The following CACNB2 variants were observed in gnomAD, a reference collection of about 807,000 sequenced individuals.
CACNB2 encodes the protein calcium voltage-gated channel auxiliary subunit beta 2, also known as voltage-dependent L-type calcium channel subunit beta-2.
Under a neutral mutation model 73.3 loss-of-function variants are expected in CACNB2, and 42 were observed. That is an observed-to-expected ratio of 0.57 (90% CI 0.45 to 0.74). CACNB2 has a LOEUF of 0.74. CACNB2 is among the 30% of genes least tolerant of loss of function. CACNB2 has a pLI of 0.00. For missense variants in CACNB2, 940 were observed against 853.0 expected (o/e 1.10, Z -1.27); for synonymous variants, 348 against 310.3 (o/e 1.12, Z -1.28).
intron 3 of CACNB2, among the ~76,000 whole-genome samples, chr10:18,454,854 CAT>C (rs2047196294): frequency 1.3e-5 from 2 of 152,036 alleles, no homozygotes; most frequent in African/African-American, 4.8e-5. Context: ...GCCTGGGCAA[CAT>C]AGAAAGACTG....
In CACNB2 at chr10:18,167,736, G is replaced by A. The variant is rs1039372109; in HGVS notation, c.213+16761G>A. Among the ~76,000 whole-genome samples the A allele has an allele frequency of 5.3e-5, 8 of 152,210 alleles. No individual in the cohort carries two copies. In the East Asian group the frequency reaches 1.5e-3, roughly 29 times the overall value. ...TGGCGCAGGGGGTAGCCGTTGGGGG[G>A]AGAAGTAGTTCAGCTTGCTCATAAT... is the stretch of plus-strand genomic sequence containing the variant. On this transcript the variant is annotated intron_variant, in intron 2 of 13. Coordinates refer to ENST00000324631, the MANE Select transcript of CACNB2 (RefSeq NM_201596.3).
At position 18,420,561 on chromosome 10, in the gene CACNB2, A is replaced by G. The variant is rs538266013; in HGVS notation, c.333+18518A>G. Among the ~76,000 whole-genome samples the G allele has an allele frequency of 2.6e-5, 4 of 152,256 alleles. No homozygotes were observed. The East Asian group carries it at 7.7e-4, about 29-fold the overall frequency. On this transcript the variant is annotated intron_variant, in intron 3 of 13. Transcript: ENST00000324631. ...TGAATTCCTCCTTCTTCTACCTTGT[A>G]TTCTATTCAAGCCCCCAACAGATTG...
rs773142253 is a variant in CACNB2 at position 18,140,696 on chromosome 10, G to T, written c.-41G>T. 6.4e-7 allele frequency: 1 copy of T among 1,559,378 alleles called. No homozygotes were observed. Among genetic ancestry groups the T allele is most frequent in the Non-Finnish European group, 8.7e-7 (1 of 1,147,046 alleles). On this transcript the variant is annotated 5_prime_UTR_variant, in exon 1 of 14. Coordinates refer to ENST00000324631, the MANE Select transcript of CACNB2 (RefSeq NM_201596.3). ...GGGGGCGAGGAGGAGGGGACCCGCC[G>T]CCGGGGGCTGGCTGCTTCGCTCCGA...
chr10:18,527,728 A>G, intron 10 of CACNB2, 31 bp downstream of exon 10: 1 of 1,317,048 alleles, frequency 7.6e-7, no homozygotes. Flanking sequence ...TAAGCTTTTT[A>G]AACTCTCCTC....
intron 2 of CACNB2, among the ~76,000 whole-genome samples, chr10:18,366,725 G>T (rs558504900): frequency 6.6e-6 from 1 of 152,048 alleles, no homozygotes; most frequent in African/African-American, 2.4e-5. Flanking sequence ...GGGAGGCAGA[G>T]GTTGCAGCGA....
At chr10:18,480,571 G>C (rs928569383) in intron 3 of CACNB2, among the ~76,000 whole-genome samples, 13 of 152,170 alleles carry the variant, frequency 8.5e-5, no homozygotes, top group Admixed American at 2.0e-4. Flanking sequence ...CTGAGCCTAA[G>C]AGGCACTTAA....
chr10:18,305,677 TC>T (rs1401207994), intron 2 of CACNB2, among the ~76,000 whole-genome samples: 36 of 152,142 alleles, frequency 2.4e-4, no homozygotes, highest in African/African-American at 8.7e-4. Context: ...AAGTAACACC[TC>T]CTAATTTGTA....
intron 3 of CACNB2, among the ~76,000 whole-genome samples, chr10:18,470,995 A>T (rs574858354): frequency 2.6e-5 from 4 of 152,164 alleles, no homozygotes; most frequent in African/African-American, 9.6e-5. Context: ...ACAGCCATCG[A>T]TGTGGTCAAA....
chr10:18,386,487 C>T (rs1330020837), intron 2 of CACNB2, among the ~76,000 whole-genome samples: 2 of 146,452 alleles, frequency 1.4e-5, no homozygotes, highest in Non-Finnish European at 3.0e-5. Context: ...ACTGCAAGCT[C>T]CGCCTCCTGG....
At chr10:18,516,759 C>T (rs2051321340) in intron 7 of CACNB2, among the ~76,000 whole-genome samples, 1 of 151,110 alleles carries the variant, frequency 6.6e-6, no homozygotes, top group South Asian at 2.1e-4. Flanking sequence ...TTTTAGGTTG[C>T]TTTTAGAGTG....
intron 2 of CACNB2, among the ~76,000 whole-genome samples, chr10:18,362,674 C>T (rs2042189485): frequency 6.6e-6 from 1 of 152,142 alleles, no homozygotes; most frequent in African/African-American, 2.4e-5. Flanking sequence ...GGCGCCGTGG[C>T]TCACGCCTGT....
At chr10:18,333,805 T>A (rs1208644252) in intron 2 of CACNB2, among the ~76,000 whole-genome samples, 1 of 152,168 alleles carries the variant, frequency 6.6e-6, no homozygotes, top group Non-Finnish European at 1.5e-5. Context: ...TATGGTTGGA[T>A]AAATAGACTG....
At chr10:18,204,511 G>A (rs559445972) in intron 2 of CACNB2, among the ~76,000 whole-genome samples, 3 of 152,200 alleles carry the variant, frequency 2.0e-5, no homozygotes, top group Non-Finnish European at 4.4e-5. Flanking sequence ...TTTCTTGAAA[G>A]TGATAGTTTT....
chr10:18,359,131 A>G (rs948921489), intron 2 of CACNB2, among the ~76,000 whole-genome samples: 1 of 151,824 alleles, frequency 6.6e-6, no homozygotes, highest in African/African-American at 2.4e-5. Context: ...TTTAACTTCT[A>G]CGTTATTTAG....
chr10:18,309,748 C>T (rs1244015549), intron 2 of CACNB2, among the ~76,000 whole-genome samples: 1 of 152,118 alleles, frequency 6.6e-6, no homozygotes, highest in Non-Finnish European at 1.5e-5. Context: ...TGAGCCACCT[C>T]GCCCAGCCCA....
intron 3 of CACNB2, among the ~76,000 whole-genome samples, chr10:18,410,987 T>C (rs2044592151): frequency 6.6e-6 from 1 of 151,694 alleles, no homozygotes; most frequent in Non-Finnish European, 1.5e-5. Context: ...TTAAAAAAAA[T>C]AAAAAAGAAA....
chr10:18,250,708 T>A (rs976002582), intron 2 of CACNB2, among the ~76,000 whole-genome samples: 1 of 152,212 alleles, frequency 6.6e-6, no homozygotes, highest in African/African-American at 2.4e-5. Flanking sequence ...GCAAACTGAT[T>A]TTGAATGAAA....
intron 3 of CACNB2, among the ~76,000 whole-genome samples, chr10:18,464,778 T>C (rs917784132): frequency 6.6e-6 from 1 of 152,274 alleles, no homozygotes; most frequent in Non-Finnish European, 1.5e-5. Flanking sequence ...ATTGACAGCA[T>C]CTGCATTTAC....
intron 9 of CACNB2, among the ~76,000 whole-genome samples, chr10:18,522,332 C>T (rs554282354): frequency 1.3e-5 from 2 of 152,222 alleles, no homozygotes; most frequent in South Asian, 4.2e-4. Context: ...CATCTCAAAA[C>T]CATCTCCCCA....
Sources: gnomAD v4.1 joint callset for allele counts (sites outside exome capture counted in the v4.1 genomes callset) on GRCh38, gnomAD v4.1.1 for gene constraint, MANE v1.5 for transcripts, NCBI Gene and HGNC (gene_info 2026-07-23, HGNC 2026-07-21) for gene names.